Variants in XRCC5 observed in about 807,000 individuals in gnomAD.
XRCC5 encodes the protein DNA repair protein Ku80.
In XRCC5, 12 loss-of-function variants were observed where a neutral mutation model predicts 95.7. The ratio of observed to expected loss-of-function variants is 0.13; its 90% confidence interval spans 0.08 to 0.20. The LOEUF (loss-of-function observed/expected upper bound fraction) is 0.20, where lower values mean the gene tolerates loss of function less well. Ranked by LOEUF, XRCC5 falls within the 10% of genes least tolerant of loss-of-function variation. The pLI is 1.00. For missense variants in XRCC5, 595 were observed against 873.9 expected (o/e 0.68, Z 4.02); for synonymous variants, 281 against 290.3 (o/e 0.97, Z 0.33).
intron 1 of XRCC5, among the ~76,000 whole-genome samples, chr2:216,112,567 G>A (rs967835491): frequency 5.9e-5 from 9 of 152,216 alleles, no homozygotes; most frequent in African/African-American, 2.2e-4. Context: ...GTCACTTCTT[G>A]TGACAAAAAT....
intron 13 of XRCC5, among the ~76,000 whole-genome samples, chr2:216,145,715 T>C (rs935001142): frequency 2.6e-5 from 4 of 152,202 alleles, no homozygotes; most frequent in Non-Finnish European, 5.9e-5. Context: ...GTAGATCCTT[T>C]ATTATTGACT....
chr2:216,121,461 A>G (rs1559238285), intron 5 of XRCC5, among the ~76,000 whole-genome samples: 1 of 152,178 alleles, frequency 6.6e-6, no homozygotes, highest in African/African-American at 2.4e-5. Flanking sequence ...ATGGTGCCTT[A>G]TTGCTGTGTC....
intron 16 of XRCC5, among the ~76,000 whole-genome samples, chr2:216,166,520 G>A (rs1689057244): frequency 6.6e-6 from 1 of 152,134 alleles, no homozygotes; most frequent in African/African-American, 2.4e-5. Flanking sequence ...GCACATCATT[G>A]CCATCATCTG....
At chr2:216,154,836 A>G (rs1322612003) in intron 14 of XRCC5, among the ~76,000 whole-genome samples, 1 of 152,200 alleles carries the variant, frequency 6.6e-6, no homozygotes, top group Non-Finnish European at 1.5e-5. Context: ...TATCCCCAGC[A>G]TAAGGTCAAA....
chr2:216,151,639 G>A (rs547117362), intron 14 of XRCC5, among the ~76,000 whole-genome samples: 1 of 152,286 alleles, frequency 6.6e-6, no homozygotes, highest in South Asian at 2.1e-4. Flanking sequence ...TTATAGAGTT[G>A]TCATGGGGGT....
In XRCC5 at chr2:216,114,956, A is replaced by C. The variant is rs139127117; in HGVS notation, c.136-1703A>C. On this transcript the variant is annotated intron_variant, in intron 2 of 20. Coordinates refer to ENST00000392132, the MANE Select transcript of XRCC5 (RefSeq NM_021141.4). ...TTGATTAATTCGGGCTGCTCAAGGG[A>C]GGAACAAAGGAGACTGGAAGCCCGG... 4.7e-3 allele frequency among the ~76,000 whole-genome samples: 717 copies of C among 152,152 alleles called. 9 individuals are homozygous for C. Among genetic ancestry groups the C allele is most frequent in the African/African-American group, 0.016 (676 of 41,490 alleles).
rs1311070524 is a variant in XRCC5, at chr2:216,192,687, A to G, written c.1993A>G (p.Lys665Glu). The G allele has an allele frequency of 1.9e-6, 3 of 1,601,408 alleles. No homozygotes were observed. The Admixed American group carries it at 5.1e-5, about 27-fold the overall frequency. Reference protein sequence around the residue: ...FNNFLKALQEKVEIKQLNHFW... With the variant: ...FNNFLKALQEEVEIKQLNHFW... Reference sequence around the variant, plus strand: ...CAACTTCCTGAAAGCCCTTCAAGAGAAAGTGGAAATTAAACAATTAAATCA... The same window carrying G: ...CAACTTCCTGAAAGCCCTTCAAGAGGAAGTGGAAATTAAACAATTAAATCA... Residue 665 changes from lysine (K) to glutamate (E), a missense_variant, in exon 18 of 21, where the codon AAA (lysine) becomes GAA (glutamate). By Grantham distance (56) the Lys-to-Glu change is moderately conservative. Transcript: ENST00000392132.
chr2:216,156,560 T>G (rs569830204), intron 14 of XRCC5: 1 of 596,726 alleles, frequency 1.7e-6, no homozygotes, highest in East Asian at 4.3e-5. Context: ...CTTGGTGAGG[T>G]TAGCTTTCCC....
intron 13 of XRCC5, among the ~76,000 whole-genome samples, chr2:216,141,571 G>C (rs1340315440): frequency 2.2e-5 from 1 of 45,302 alleles, no homozygotes; most frequent in African/African-American, 8.3e-5. Flanking sequence ...TTTTTTCCTG[G>C]AAGAAGCTTA....
rs911543133 is a variant in XRCC5, at chr2:216,179,824, G to A, written c.1835-10401G>A. On this transcript the variant is annotated intron_variant, in intron 16 of 20. Transcript: ENST00000392132. ...AAACCATTGAAGAGTTTGAAGTAGCGAATGATCTGGTTTTATATTTCATAC... is the reference window on the plus strand; with the variant it reads ...AAACCATTGAAGAGTTTGAAGTAGCAAATGATCTGGTTTTATATTTCATAC... 1.1e-4 allele frequency among the ~76,000 whole-genome samples: 16 copies of A among 152,150 alleles called. 1 individual carries two copies. The highest frequency in any genetic ancestry group is 7.2e-4 in the Admixed American group (11 of 15,280).
At chr2:216,177,146 C>T (rs1689292054) in intron 16 of XRCC5, among the ~76,000 whole-genome samples, 1 of 152,166 alleles carries the variant, frequency 6.6e-6, no homozygotes, top group Non-Finnish European at 1.5e-5. Flanking sequence ...TCTCTATGGC[C>T]TTAAAAAGTA....
At chr2:216,204,619 A>T (rs924759576) in intron 20 of XRCC5, among the ~76,000 whole-genome samples, 2 of 152,208 alleles carry the variant, frequency 1.3e-5, no homozygotes. Context: ...TATATTGTTC[A>T]TTCAGATTAA....
intron 13 of XRCC5, among the ~76,000 whole-genome samples, chr2:216,147,190 G>A (rs553629563): frequency 1.1e-4 from 17 of 152,106 alleles, no homozygotes; most frequent in Non-Finnish European, 2.2e-4. Context: ...AAGGGCAAGG[G>A]TGGAGCTGAC....
chr2:216,192,897 C>T (rs1014984965), intron 18 of XRCC5, among the ~76,000 whole-genome samples, 162 bp downstream of exon 18: 4 of 152,156 alleles, frequency 2.6e-5, no homozygotes, highest in Admixed American at 6.5e-5. Context: ...GCTCAGTGTT[C>T]GGTGAACTCA....
chr2:216,191,673 A>G (rs1209855571), intron 17 of XRCC5, among the ~76,000 whole-genome samples: 1 of 152,182 alleles, frequency 6.6e-6, no homozygotes, highest in Non-Finnish European at 1.5e-5. Flanking sequence ...GGCCTCCCAG[A>G]GTGCTGGGAT....
At chr2:216,173,746 G>A (rs563253876) in intron 16 of XRCC5, among the ~76,000 whole-genome samples, 40 of 152,274 alleles carry the variant, frequency 2.6e-4, no homozygotes, top group South Asian at 6.2e-4. Context: ...ATTATCACTT[G>A]AGTGGGTTAG....
chr2:216,190,125 G>A, intron 16 of XRCC5, 100 bp from the exon 17 acceptor site: 1 of 904,284 alleles, frequency 1.1e-6, no homozygotes, highest in Non-Finnish European at 1.6e-6. Context: ...TGACCATGAG[G>A]CTTGTGAACT....
At chr2:216,110,725 C>T (rs567416576) in intron 1 of XRCC5, among the ~76,000 whole-genome samples, 25 of 152,304 alleles carry the variant, frequency 1.6e-4, no homozygotes, top group African/African-American at 5.8e-4. Flanking sequence ...GTGCTTTAGT[C>T]CTCTAGAGTT....
chr2:216,138,716 T>C (rs1327539871), intron 12 of XRCC5, among the ~76,000 whole-genome samples: 1 of 152,214 alleles, frequency 6.6e-6, no homozygotes, highest in South Asian at 2.1e-4. Context: ...GGGTCCTATA[T>C]AGAATTATTC....
Sources: gnomAD v4.1 joint callset for allele counts (sites outside exome capture counted in the v4.1 genomes callset) on GRCh38, gnomAD v4.1.1 for gene constraint, MANE v1.5 for transcripts, NCBI Gene and HGNC (gene_info 2026-07-23, HGNC 2026-07-21) for gene names.